Variants in UHMK1 observed in about 807,000 individuals in gnomAD.
UHMK1 encodes the protein serine/threonine-protein kinase Kist.
In UHMK1, 18 loss-of-function variants were observed where a neutral mutation model predicts 44.0. That is an observed-to-expected ratio of 0.41 (90% confidence interval 0.28 to 0.61). The LOEUF (loss-of-function observed/expected upper bound fraction) is 0.61. UHMK1 is among the 20% of genes least tolerant of loss of function. The pLI is 0.31. For missense variants in UHMK1, 463 were observed against 522.5 expected (o/e 0.89, Z 1.11); for synonymous variants, 231 against 198.5 (o/e 1.16, Z -1.38).
intron 4 of UHMK1, among the ~76,000 whole-genome samples, chr1:162,507,155 C>T (rs1450731191): frequency 1.0e-4 from 15 of 149,408 alleles, no homozygotes; most frequent in Admixed American, 8.0e-4. Flanking sequence ...AGTTTTTGCT[C>T]GTTGCCCAGG....
intron 1 of UHMK1, among the ~76,000 whole-genome samples, chr1:162,498,691 A>T (rs1259073515): frequency 6.6e-6 from 1 of 152,186 alleles, no homozygotes; most frequent in Non-Finnish European, 1.5e-5. Context: ...CTCACCTATT[A>T]TATCTTTAGT....
intron 4 of UHMK1, among the ~76,000 whole-genome samples, chr1:162,511,375 C>G (rs957263475): frequency 1.3e-5 from 2 of 151,804 alleles, no homozygotes; most frequent in Non-Finnish European, 2.9e-5. Context: ...CCATGTTGCC[C>G]AGGCTGGTCT....
intron 1 of UHMK1, among the ~76,000 whole-genome samples, 185 bp from the exon 2 acceptor site, chr1:162,499,770 C>T (rs1460739288): frequency 6.6e-6 from 1 of 152,066 alleles, no homozygotes; most frequent in Non-Finnish European, 1.5e-5. Flanking sequence ...GCTGTCTCAT[C>T]TTATTTTTAT....
chr1:162,498,914 A>C (rs17430397), intron 1 of UHMK1, among the ~76,000 whole-genome samples: 6,880 of 152,308 alleles, frequency 0.045, 252 homozygotes, highest in Non-Finnish European at 0.064. Context: ...TTGGTTATTA[A>C]AGAAAAGTCT....
At chr1:162,511,189 C>CTTTTTTTTTTTTTTTTTTTTTTTT (rs142796500) in intron 4 of UHMK1, among the ~76,000 whole-genome samples, 2 of 101,004 alleles carry the variant, frequency 2.0e-5, no homozygotes, top group Non-Finnish European at 3.8e-5. Context: ...TTTTCTTTTT[C>CTTTTTTTTTTTTTTTTTTTTTTTT]TTTTTTTTTT....
intron 7 of UHMK1, among the ~76,000 whole-genome samples, chr1:162,520,416 C>G (rs1019937314): frequency 6.6e-6 from 1 of 152,064 alleles, no homozygotes; most frequent in South Asian, 2.1e-4. Context: ...TTATTATGTT[C>G]TAGGTACCCA....
At position 162,499,182 on chromosome 1, in the gene UHMK1, G is replaced by GTT. The variant is rs200820942; in HGVS notation, c.269-763_269-762dup. On this transcript the variant is annotated intron_variant, in intron 1 of 7. Transcript: ENST00000489294. Reference sequence around the variant, plus strand: ...TAGAGAGCTGTTTATTTTTGTTTTAGTTTTTTTTTTTGAGACAAGTTCTTA... The same window carrying GTT: ...TAGAGAGCTGTTTATTTTTGTTTTAGTTTTTTTTTTTTTGAGACAAGTTCTTA... Among the ~76,000 whole-genome samples, 125 of 146,284 alleles carry GTT rather than the reference G, an allele frequency of 8.5e-4. 1 individual carries two copies. The highest frequency in any genetic ancestry group is 2.9e-3 in the African/African-American group (117 of 40,190).
rs1463358006 is a variant in UHMK1 at position 162,526,240 on chromosome 1, C to T, written c.*3690C>T. ...TTCTGACTGTTAGGCCTATCTTACA[C>T]ATAAGTTCTACTATCAGTATACTTG... On this transcript the variant is annotated 3_prime_UTR_variant, in exon 8 of 8. Coordinates refer to ENST00000489294, the MANE Select transcript of UHMK1 (RefSeq NM_175866.5). 1.3e-5 allele frequency: 2 copies of T among 150,114 alleles called. No individual in the cohort carries two copies. The highest frequency in any genetic ancestry group is 3.0e-5 in the Non-Finnish European group (2 of 67,706). The allele number at this position is 150,114 out of a possible 1,614,324, so 9.3% of individuals were successfully genotyped here. A position where few individuals can be genotyped will look rare whatever the true frequency, so the allele number is the denominator to read the frequency against.
intron 4 of UHMK1, among the ~76,000 whole-genome samples, chr1:162,511,189 C>CTTTTTTTTT (rs142796500): frequency 9.9e-6 from 1 of 101,000 alleles, no homozygotes; most frequent in Non-Finnish European, 1.9e-5. Context: ...TTTTCTTTTT[C>CTTTTTTTTT]TTTTTTTTTT....
At chr1:162,498,307 A>G in intron 1 of UHMK1, 39 bp downstream of exon 1, 1 of 1,548,816 alleles carries the variant, frequency 6.5e-7, no homozygotes, top group Non-Finnish European at 8.7e-7. Flanking sequence ...TGCCCAGGTC[A>G]CAGTCCGAGC....
At chr1:162,516,194 T>C (rs1651829638) in intron 6 of UHMK1, among the ~76,000 whole-genome samples, 1 of 152,236 alleles carries the variant, frequency 6.6e-6, no homozygotes, top group African/African-American at 2.4e-5. Context: ...TCTTAGTGTT[T>C]AAGAATCTGA....
At chr1:162,514,572 A>G (rs900488665) in intron 6 of UHMK1, among the ~76,000 whole-genome samples, 1 of 152,210 alleles carries the variant, frequency 6.6e-6, no homozygotes, top group South Asian at 2.1e-4. Flanking sequence ...TAGCACTGAC[A>G]CACAGTAGGC....
chr1:162,513,487 G>A (rs568157404), intron 6 of UHMK1, among the ~76,000 whole-genome samples: 48 of 152,160 alleles, frequency 3.2e-4, no homozygotes, highest in African/African-American at 1.1e-3. Context: ...GTATAGTAGG[G>A]GATACGGCTA....
rs773173336 is a variant in UHMK1 at position 162,498,019 on chromosome 1, G to T, written c.19G>T (p.Ala7Ser). 1.9e-6 allele frequency: 3 copies of T among 1,593,388 alleles called. No homozygotes were observed. Among genetic ancestry groups the T allele is most frequent in the Non-Finnish European group, 2.6e-6 (3 of 1,168,466 alleles). ...CACACCGATGGCGGGATCCGGCTGC[G>T]CCTGGGGCGCGGAGCCGCCGCGTTT... The part of the protein sequence containing the change: MAGSGC[A>S]WGAEPPRFLE... The change falls in exon 1 of 8, where the codon GCC (alanine) becomes TCC (serine). Residue 7 changes from alanine (A) to serine (S), a missense_variant. Physicochemically the swap from Ala to Ser is moderately conservative, Grantham distance 99. Around this residue, in one of 3 missense-constraint regions of UHMK1, gnomAD observed 191 missense variants for 176.0 expected, o/e 1.09. Transcript: ENST00000489294.
At chr1:162,516,668 GA>G in intron 6 of UHMK1, among the ~76,000 whole-genome samples, 1 of 151,940 alleles carries the variant, frequency 6.6e-6, no homozygotes, top group South Asian at 2.1e-4. Flanking sequence ...ATAGTTTAAA[GA>G]AAAAATATTT....
At chr1:162,503,300 T>C (rs1293673930) in intron 3 of UHMK1, among the ~76,000 whole-genome samples, 1 of 152,134 alleles carries the variant, frequency 6.6e-6, no homozygotes, top group Non-Finnish European at 1.5e-5. Flanking sequence ...TTATGTATAT[T>C]ATTTCCTCTG....
At position 162,522,752 on chromosome 1, in the gene UHMK1, T is replaced by C. The variant is rs1652105388; in HGVS notation, c.*202T>C. The C allele has an allele frequency of 5.7e-6, 3 of 524,020 alleles. No individual in the cohort carries two copies. The highest frequency in any genetic ancestry group is 3.4e-5 in the South Asian group (1 of 29,364). 32.5% of individuals were successfully genotyped at this position (524,020 alleles called of 1,614,324 possible). On this transcript the variant is annotated 3_prime_UTR_variant, in exon 8 of 8. Coordinates refer to ENST00000489294, the MANE Select transcript of UHMK1 (RefSeq NM_175866.5). ...TAGGACAAGACCTCTCAGCTATACATTGAGGGGTTTTAGAGCATCCATGTG... is the reference window on the plus strand; with the variant it reads ...TAGGACAAGACCTCTCAGCTATACACTGAGGGGTTTTAGAGCATCCATGTG...
rs532048894 is a variant in UHMK1 at position 162,526,899 on chromosome 1, A to G, written c.*4349A>G. On this transcript the variant is annotated 3_prime_UTR_variant, in exon 8 of 8. Transcript: ENST00000489294. Reference sequence around the variant, plus strand: ...TGTGATATAATTTCATTTCTTGTCAATTATGGTCACATATAGACAAGTACT... The same window carrying G: ...TGTGATATAATTTCATTTCTTGTCAGTTATGGTCACATATAGACAAGTACT... 33 of 152,234 alleles carry G rather than the reference A, an allele frequency of 2.2e-4. No individual in the cohort carries two copies. Among genetic ancestry groups the G allele is most frequent in the East Asian group, 5.8e-4 (3 of 5,184 alleles). 9.4% of individuals were successfully genotyped at this position (152,234 alleles called of 1,614,324 possible).
In UHMK1 at chr1:162,524,099, T is replaced by C. The variant is rs1652157076; in HGVS notation, c.*1549T>C. Reference sequence around the variant, plus strand: ...TATACAGGTTATTAATTTTTTTATTTATTTATTTTTTCCTAAGGAAAAAGT... The same window carrying C: ...TATACAGGTTATTAATTTTTTTATTCATTTATTTTTTCCTAAGGAAAAAGT... On this transcript the variant is annotated 3_prime_UTR_variant, in exon 8 of 8. Coordinates refer to ENST00000489294, the MANE Select transcript of UHMK1 (RefSeq NM_175866.5). 6.6e-6 allele frequency: 1 copy of C among 152,126 alleles called. No individual in the cohort carries two copies. The highest frequency in any genetic ancestry group is 2.1e-4 in the South Asian group (1 of 4,828). 9.4% of individuals were successfully genotyped at this position (152,126 alleles called of 1,614,324 possible).
Sources: gnomAD v4.1 joint callset for allele counts (sites outside exome capture counted in the v4.1 genomes callset) on GRCh38, gnomAD v4.1.1 for gene constraint, gnomAD v4.1.1 regional missense constraint, MANE v1.5 for transcripts, NCBI Gene and HGNC (gene_info 2026-07-23, HGNC 2026-07-21) for gene names.